Variants in SMYD3 observed in about 807,000 individuals in gnomAD.
SMYD3 encodes SET and MYND domain containing 3, also known as histone-lysine N-methyltransferase SMYD3.
Under a neutral mutation model 57.7 loss-of-function variants are expected in SMYD3, and 36 were observed. That is an observed-to-expected ratio of 0.62 (90% CI 0.48 to 0.82). SMYD3 has a LOEUF of 0.82. Ranked by LOEUF, SMYD3 falls within the 40% of genes least tolerant of loss-of-function variation. The pLI is 0.00. For synonymous variants in SMYD3, 211 were observed against 195.0 expected, an observed-to-expected ratio of 1.08 and a Z score of -0.68; for missense variants, 515 against 538.8, an observed-to-expected ratio of 0.96 and a Z score of 0.44.
intron 5 of SMYD3, among the ~76,000 whole-genome samples, chr1:246,194,274 T>TTG (rs897647649): frequency 1.5e-4 from 22 of 142,218 alleles, no homozygotes; most frequent in East Asian, 4.2e-4. Context: ...GTTTTTTTGT[T>TTG]TTTTTTTTTT....
At chr1:246,116,749 C>T (rs1489553968) in intron 5 of SMYD3, among the ~76,000 whole-genome samples, 1 of 152,112 alleles carries the variant, frequency 6.6e-6, no homozygotes, top group Non-Finnish European at 1.5e-5. Flanking sequence ...CCATCATTTA[C>T]AGAAAAATAG....
At chr1:245,942,412 T>C (rs905502268) in intron 5 of SMYD3, among the ~76,000 whole-genome samples, 1 of 152,208 alleles carries the variant, frequency 6.6e-6, no homozygotes, top group African/African-American at 2.4e-5. Flanking sequence ...AAGGGTTCAA[T>C]TCAACAAGAA....
At chr1:246,208,001 T>G (rs1354452036) in intron 5 of SMYD3, among the ~76,000 whole-genome samples, 2 of 152,122 alleles carry the variant, frequency 1.3e-5, no homozygotes, top group African/African-American at 4.8e-5. Flanking sequence ...TCTCAAAATT[T>G]TTTTAAAAAT....
intron 5 of SMYD3, among the ~76,000 whole-genome samples, chr1:246,007,604 G>A (rs1321002197): frequency 1.3e-5 from 2 of 151,866 alleles, no homozygotes; most frequent in African/African-American, 4.8e-5. Flanking sequence ...GGGTCCAGGA[G>A]TTTGAGACCA....
chr1:245,773,706 C>CA (rs1365124469), intron 10 of SMYD3, among the ~76,000 whole-genome samples: 1 of 152,144 alleles, frequency 6.6e-6, no homozygotes, highest in African/African-American at 2.4e-5. Flanking sequence ...TGAAGGATTT[C>CA]AAAAAGGCTG....
chr1:246,040,209 G>A (rs1024297843), intron 5 of SMYD3, among the ~76,000 whole-genome samples: 3 of 152,050 alleles, frequency 2.0e-5, no homozygotes, highest in Non-Finnish European at 2.9e-5. Context: ...ATATACAACC[G>A]GGATATTAAT....
chr1:245,756,208 T>C (rs947025990), intron 11 of SMYD3, among the ~76,000 whole-genome samples: 6 of 150,546 alleles, frequency 4.0e-5, no homozygotes, highest in African/African-American at 1.5e-4. Flanking sequence ...TGTATATAAC[T>C]TATCATACTT....
intron 8 of SMYD3, among the ~76,000 whole-genome samples, chr1:245,883,542 C>A (rs4654149): frequency 0.56 from 85,329 of 152,066 alleles, 28,483 homozygotes; most frequent in Non-Finnish European, 0.76. Flanking sequence ...GGACTGGAGT[C>A]AAGAAGTTTA....
rs557824677 is a variant in SMYD3 at position 246,058,517 on chromosome 1, T to C, written c.532-128580A>G. On this transcript the variant is annotated intron_variant, in intron 5 of 11. Transcript: ENST00000490107. ...ATCTTACGAAATAATAAATGATTCATTTATCTTTGGCAGAATCGGGTCATT... is the reference window on the plus strand; with the variant it reads ...ATCTTACGAAATAATAAATGATTCACTTATCTTTGGCAGAATCGGGTCATT... Among the ~76,000 whole-genome samples, 24 of 152,352 alleles carry C rather than the reference T, an allele frequency of 1.6e-4. 1 individual carries two copies. Among genetic ancestry groups the C allele is most frequent in the South Asian group, 1.2e-3 (6 of 4,824 alleles).
At chr1:246,312,113 C>A (rs949972368) in intron 5 of SMYD3, among the ~76,000 whole-genome samples, 2 of 152,116 alleles carry the variant, frequency 1.3e-5, no homozygotes, top group African/African-American at 4.8e-5. Flanking sequence ...AAAATGGTTA[C>A]GACCCTCAAG....
intron 5 of SMYD3, among the ~76,000 whole-genome samples, chr1:246,142,585 C>T (rs1026200986): frequency 2.6e-5 from 4 of 152,156 alleles, no homozygotes; most frequent in Non-Finnish European, 5.9e-5. Flanking sequence ...CGCATGGATA[C>T]GCTTGATGAA....
chr1:245,799,373 T>A (rs1031031983), intron 10 of SMYD3, among the ~76,000 whole-genome samples: 1 of 145,578 alleles, frequency 6.9e-6, no homozygotes, highest in African/African-American at 2.6e-5. Context: ...CTCTCAACTG[T>A]GTAGGACCCC....
chr1:245,978,570 G>A (rs72768800), intron 5 of SMYD3, among the ~76,000 whole-genome samples: 2,621 of 152,236 alleles, frequency 0.017, 161 homozygotes, highest in Admixed American at 0.11. Flanking sequence ...GTGCGGGAGG[G>A]CGGGGGGCAG....
chr1:245,907,039 A>G (rs949363882), intron 8 of SMYD3, among the ~76,000 whole-genome samples: 11 of 151,872 alleles, frequency 7.2e-5, no homozygotes, highest in Non-Finnish European at 2.9e-5. Flanking sequence ...GGACAGAGAG[A>G]GTAGAAGGAG....
At chr1:246,167,551 C>T (rs1269415635) in intron 5 of SMYD3, among the ~76,000 whole-genome samples, 1 of 148,496 alleles carries the variant, frequency 6.7e-6, no homozygotes, top group Admixed American at 6.8e-5. Flanking sequence ...CGCTCTGTGG[C>T]CCAGGCTGGA....
chr1:245,996,823 G>C (rs1011156472), intron 5 of SMYD3, among the ~76,000 whole-genome samples: 1 of 152,310 alleles, frequency 6.6e-6, no homozygotes, highest in Middle Eastern at 3.4e-3. Context: ...GGAGGGGAAC[G>C]TGGGGGAGGG....
intron 10 of SMYD3, among the ~76,000 whole-genome samples, chr1:245,838,609 C>A (rs914988179): frequency 6.6e-6 from 1 of 152,128 alleles, no homozygotes; most frequent in African/African-American, 2.4e-5. Context: ...TTTAAGAATG[C>A]CAAGTTGACA....
chr1:245,927,953 C>T lies in SMYD3; in HGVS notation c.680G>A (p.Arg227Gln), dbSNP rs549272016. The change falls in exon 7 of 12, where the codon CGA becomes CAA. Residue 227 changes from arginine (R) to glutamine (Q), a missense_variant. Arg to Gln is a conservative substitution (Grantham distance 43). Coordinates refer to ENST00000490107, the MANE Select transcript of SMYD3 (RefSeq NM_001167740.2). ...NGPHLLLRAVRDIEVGEELTI... is the reference protein window; with the variant it reads ...NGPHLLLRAVQDIEVGEELTI... ...TACCTCCTCTCCCACCTCGATGTCT[C>T]GGACTGCTCGCAGTAAGAGGTGGGG... 9.9e-6 allele frequency: 16 copies of T among 1,612,054 alleles called. No homozygotes were observed. Among genetic ancestry groups the T allele is most frequent in the Admixed American group, 5.0e-5 (3 of 59,942 alleles).
intron 7 of SMYD3, among the ~76,000 whole-genome samples, chr1:245,916,141 A>G (rs556761666): frequency 6.6e-6 from 1 of 151,746 alleles, no homozygotes; most frequent in South Asian, 2.1e-4. Context: ...CAGTTCTCTT[A>G]TTTGTATCTA....
Sources: gnomAD v4.1 joint callset for allele counts (sites outside exome capture counted in the v4.1 genomes callset) on GRCh38, gnomAD v4.1.1 for gene constraint, MANE v1.5 for transcripts, NCBI Gene and HGNC (gene_info 2026-07-23, HGNC 2026-07-21) for gene names.